SLCO3A1: variants seen among roughly 807,000 people sequenced by gnomAD.
The protein encoded by SLCO3A1 is solute carrier organic anion transporter family member 3A1.
A neutral mutation model predicts 63.1 loss-of-function variants in SLCO3A1; 27 were observed. The ratio of observed to expected loss-of-function variants is 0.43; its 90% CI spans 0.32 to 0.59. The LOEUF is 0.59. Ranked by LOEUF, SLCO3A1 falls within the 20% of genes least tolerant of loss-of-function variation. The pLI, the probability that SLCO3A1 is intolerant of heterozygous loss-of-function variation, is 0.09. For synonymous variants in SLCO3A1, 473 were observed against 409.9 expected (o/e 1.15, Z -1.86); for missense variants, 773 against 945.8 (o/e 0.82, Z 2.40).
chr15:91,985,108 C>T (rs1270287515), intron 2 of SLCO3A1, among the ~76,000 whole-genome samples: 1 of 152,168 alleles, frequency 6.6e-6, no homozygotes, highest in Non-Finnish European at 1.5e-5. Context: ...TCGTGGCTCT[C>T]CAAGTCACTC....
chr15:92,111,146 C>G (rs1261229295), intron 4 of SLCO3A1, among the ~76,000 whole-genome samples: 1 of 152,202 alleles, frequency 6.6e-6, no homozygotes, highest in East Asian at 1.9e-4. Flanking sequence ...CACAGATTTG[C>G]CTGTCCACAG....
chr15:92,064,533 G>A (rs1001410741), intron 2 of SLCO3A1, among the ~76,000 whole-genome samples: 1 of 152,182 alleles, frequency 6.6e-6, no homozygotes, highest in African/African-American at 2.4e-5. Context: ...GTGTCCTAAA[G>A]TGTCTTCCCC....
chr15:92,032,882 A>T (rs1447389652), intron 2 of SLCO3A1, among the ~76,000 whole-genome samples: 1 of 147,598 alleles, frequency 6.8e-6, no homozygotes, highest in African/African-American at 2.5e-5. Flanking sequence ...TTTCAAGTCC[A>T]TACAGCTGGC....
At chr15:91,907,063 G>C (rs1898328995) in intron 1 of SLCO3A1, among the ~76,000 whole-genome samples, 1 of 152,194 alleles carries the variant, frequency 6.6e-6, no homozygotes. Flanking sequence ...AGAGGAAAGA[G>C]TGGAAGAAAA....
At chr15:91,866,482 A>G (rs1381317164) in intron 1 of SLCO3A1, among the ~76,000 whole-genome samples, 1 of 151,572 alleles carries the variant, frequency 6.6e-6, no homozygotes, top group African/African-American at 2.4e-5. Flanking sequence ...AGCACCAGAC[A>G]TCTGCATTCT....
intron 2 of SLCO3A1, among the ~76,000 whole-genome samples, chr15:91,973,196 C>T (rs1212957241): frequency 5.3e-5 from 8 of 152,220 alleles, no homozygotes; most frequent in Admixed American, 5.2e-4. Flanking sequence ...CCCCTCTGCT[C>T]TCTCATTTCC....
In SLCO3A1 at chr15:91,884,592, A is replaced by T. The variant is rs1278456582; in HGVS notation, c.180+30504A>T. On this transcript the variant is annotated intron_variant, in intron 1 of 9. Coordinates refer to ENST00000318445, the MANE Select transcript of SLCO3A1 (RefSeq NM_013272.4). The stretch of plus-strand genomic sequence containing the variant: ...TAATATTAAATTGTTTTAAAATAAA[A>T]CTTATTGATTTATTCAGCACAGATT... 5.9e-5 allele frequency among the ~76,000 whole-genome samples: 9 copies of T among 152,186 alleles called. No individual in the cohort carries two copies. In the East Asian group the frequency reaches 1.7e-3, roughly 29 times the overall value.
rs543279397 is a variant in SLCO3A1 at position 92,154,212 on chromosome 15, C to A, written c.1753+3198C>A. Among the ~76,000 whole-genome samples, 11 of 152,324 alleles carry A rather than the reference C, an allele frequency of 7.2e-5. No individual in the cohort carries two copies. In the South Asian group the frequency reaches 2.3e-3, roughly 32 times the overall value. On this transcript the variant is annotated intron_variant, in intron 9 of 9. Transcript: ENST00000318445. Reference sequence around the variant, plus strand: ...GGAGGAATCTGCATTATGCATTATTCTCCAAGTGGAAGCATAAGAACTGGA... The same window carrying A: ...GGAGGAATCTGCATTATGCATTATTATCCAAGTGGAAGCATAAGAACTGGA...
chr15:91,968,125 C>A lies in SLCO3A1; in HGVS notation c.646+51667C>A, dbSNP rs1900725429. Reference sequence around the variant, plus strand: ...CACTTACGGCCTATCCATCAAAGCACAGTGCGTGTCTCCTTTCTCAGACAG... The same window carrying A: ...CACTTACGGCCTATCCATCAAAGCAAAGTGCGTGTCTCCTTTCTCAGACAG... On this transcript the variant is annotated intron_variant, in intron 2 of 9. Coordinates refer to ENST00000318445, the MANE Select transcript of SLCO3A1 (RefSeq NM_013272.4). This position sits in a 1 kb window ranked among gnomAD's most constrained non-coding sequence, Gnocchi z 4.2. 6.6e-6 allele frequency among the ~76,000 whole-genome samples: 1 copy of A among 152,148 alleles called. No homozygotes were observed.
At chr15:92,076,925 C>G (rs2047284712) in intron 2 of SLCO3A1, among the ~76,000 whole-genome samples, 1 of 152,180 alleles carries the variant, frequency 6.6e-6, no homozygotes, top group South Asian at 2.1e-4. Flanking sequence ...AAAGACACAC[C>G]TACAACTGCA....
intron 1 of SLCO3A1, among the ~76,000 whole-genome samples, chr15:91,868,163 C>T (rs891470348): frequency 6.6e-6 from 1 of 151,814 alleles, no homozygotes; most frequent in Non-Finnish European, 1.5e-5. Flanking sequence ...GTAGTTCTCC[C>T]GCCTCAGCCT....
At chr15:92,059,732 G>A (rs2047063939) in intron 2 of SLCO3A1, among the ~76,000 whole-genome samples, 3 of 152,210 alleles carry the variant, frequency 2.0e-5, no homozygotes, top group Non-Finnish European at 2.9e-5. Flanking sequence ...GCCTCCTTTA[G>A]CACAGAAGAC....
chr15:91,868,986 A>G (rs77189452), intron 1 of SLCO3A1, among the ~76,000 whole-genome samples: 8,867 of 152,224 alleles, frequency 0.058, 840 homozygotes, highest in African/African-American at 0.2. Flanking sequence ...AGTTTATATA[A>G]AAATGTTTTT....
intron 1 of SLCO3A1, among the ~76,000 whole-genome samples, chr15:91,878,112 G>A (rs1167470033): frequency 7.5e-5 from 10 of 134,184 alleles, no homozygotes; most frequent in Non-Finnish European, 1.2e-4. Flanking sequence ...TTTTTGAGAC[G>A]GAGTTTTGCT....
At chr15:92,055,201 G>T (rs2047007127) in intron 2 of SLCO3A1, among the ~76,000 whole-genome samples, 1 of 152,152 alleles carries the variant, frequency 6.6e-6, no homozygotes, top group African/African-American at 2.4e-5. Context: ...TCTAATCAGT[G>T]ATGTTGAGCT....
intron 9 of SLCO3A1, 36 bp downstream of exon 9, chr15:92,151,050 T>C: frequency 7.1e-7 from 1 of 1,402,860 alleles, no homozygotes; most frequent in Non-Finnish European, 1.0e-6. Context: ...AATAATGAAT[T>C]GGATGCTTAT....
chr15:92,123,626 T>C (rs2047888940), intron 5 of SLCO3A1, among the ~76,000 whole-genome samples: 2 of 152,150 alleles, frequency 1.3e-5, no homozygotes, highest in Non-Finnish European at 2.9e-5. Flanking sequence ...CCGACAGAGA[T>C]AGGGTAAAAT....
intron 2 of SLCO3A1, among the ~76,000 whole-genome samples, chr15:91,957,268 T>C (rs1030635171): frequency 7.0e-6 from 1 of 142,964 alleles, no homozygotes; most frequent in Non-Finnish European, 1.5e-5. Flanking sequence ...CCACCGGACC[T>C]GGCTGCCTCC....
chr15:92,120,571 G>A lies in SLCO3A1; in HGVS notation c.1116G>A (p.Leu372=). ...TGGTGGCTGGCTTCGCTGCCTTTTT[G>A]GGGAAGTACCTGGAGCAGCAGTTTA... is the stretch of plus-strand genomic sequence containing the variant. ...IAVVAGFAAF[L]GKYLEQQFNL... is the part of the protein sequence containing the mutation. Residue 372 remains leucine (L), a synonymous_variant, in exon 5 of 10, where the codon TTG becomes TTA. Coordinates refer to ENST00000318445, the MANE Select transcript of SLCO3A1 (RefSeq NM_013272.4). 1 of 1,613,978 alleles carries A rather than the reference G, an allele frequency of 6.2e-7. No homozygotes were observed. Among genetic ancestry groups the A allele is most frequent in the Non-Finnish European group, 8.5e-7 (1 of 1,179,980 alleles).
Sources: gnomAD v4.1 joint callset for allele counts (sites outside exome capture counted in the v4.1 genomes callset) on GRCh38, gnomAD v4.1.1 for gene constraint, Gnocchi (gnomAD v3.1) non-coding constraint, MANE v1.5 for transcripts, NCBI Gene and HGNC (gene_info 2026-07-23, HGNC 2026-07-21) for gene names.